The following MAL2 variants were observed in gnomAD, a reference collection of about 807,000 sequenced individuals.
MAL2 encodes the protein protein MAL2.
In MAL2, 17 loss-of-function variants were observed where a neutral mutation model predicts 18.1. The ratio of observed to expected loss-of-function variants is 0.94; its 90% CI spans 0.64 to 1.41. MAL2 has a LOEUF of 1.41. MAL2 is among the 40% of genes most tolerant of loss of function. The pLI is 0.00. For synonymous variants in MAL2, 102 were observed against 102.3 expected (o/e 1.00, Z 0.02); for missense variants, 222 against 231.9 (o/e 0.96, Z 0.28).
intron 2 of MAL2, among the ~76,000 whole-genome samples, chr8:119,225,701 T>C (rs571281154): frequency 1.8e-3 from 277 of 152,378 alleles, no homozygotes; most frequent in African/African-American, 6.5e-3. Context: ...CCACACTGAC[T>C]TCCACAATGG....
At chr8:119,231,100 T>C (rs780668865) in intron 2 of MAL2, among the ~76,000 whole-genome samples, 2 of 152,122 alleles carry the variant, frequency 1.3e-5, no homozygotes, top group African/African-American at 2.4e-5. Context: ...GATGCAGTCT[T>C]GGCTCACTGC....
chr8:119,237,741 C>T (rs528729224), intron 2 of MAL2, among the ~76,000 whole-genome samples: 1,532 of 151,784 alleles, frequency 0.01, 14 homozygotes, highest in Middle Eastern at 0.014. Context: ...TTCAACAACC[C>T]TTCATGCTAA....
chr8:119,224,208 A>G (rs1408976877), intron 2 of MAL2: 1 of 152,200 alleles, frequency 6.6e-6, no homozygotes, highest in Non-Finnish European at 1.5e-5. Context: ...GTGAAATAAA[A>G]ATATACTATC....
At chr8:119,211,059 C>A (rs1034527685) in intron 1 of MAL2, among the ~76,000 whole-genome samples, 1 of 152,122 alleles carries the variant, frequency 6.6e-6, no homozygotes, top group African/African-American at 2.4e-5. Flanking sequence ...TGGCTTGTTA[C>A]CCCTCCATTT....
At chr8:119,222,737 A>T (rs1817492110) in intron 2 of MAL2, among the ~76,000 whole-genome samples, 1 of 151,392 alleles carries the variant, frequency 6.6e-6, no homozygotes, top group South Asian at 2.1e-4. Flanking sequence ...TTGAGGCAGG[A>T]GGATCACTTG....
chr8:119,241,601 G>A (rs1055330425), intron 3 of MAL2, among the ~76,000 whole-genome samples: 2 of 152,096 alleles, frequency 1.3e-5, no homozygotes, highest in Non-Finnish European at 2.9e-5. Context: ...CATGTCTAGA[G>A]TGAGTTTTGA....
chr8:119,244,711 A>T lies in MAL2; in HGVS notation c.*1223A>T, dbSNP rs979310198. The T allele has an allele frequency of 4.6e-5, 7 of 152,226 alleles. No individual in the cohort carries two copies. Among genetic ancestry groups the T allele is most frequent in the African/African-American group, 1.7e-4 (7 of 41,456 alleles). The allele number at this position is 152,226 out of a possible 1,614,324, so 9.4% of individuals were successfully genotyped here. On this transcript the variant is annotated 3_prime_UTR_variant, in exon 4 of 4. Coordinates refer to ENST00000614891, the MANE Select transcript of MAL2 (RefSeq NM_052886.3). ...TTTTTGTATTAGCCCAGACATCTGTAATGTTTTTGCACTGGTGACAGACAA... is the reference window on the plus strand; with the variant it reads ...TTTTTGTATTAGCCCAGACATCTGTTATGTTTTTGCACTGGTGACAGACAA...
chr8:119,236,795 G>A (rs943184546), intron 2 of MAL2, among the ~76,000 whole-genome samples: 3 of 151,320 alleles, frequency 2.0e-5, no homozygotes, highest in Non-Finnish European at 4.4e-5. Context: ...TCAAAGCAGT[G>A]TGTAGAGGGA....
intron 2 of MAL2, among the ~76,000 whole-genome samples, chr8:119,232,098 A>T (rs1468643676): frequency 6.8e-6 from 1 of 148,146 alleles, no homozygotes; most frequent in Non-Finnish European, 1.5e-5. Flanking sequence ...GGGAGGTTTT[A>T]TATATTTTTT....
chr8:119,228,302 C>A (rs1182529610), intron 2 of MAL2, among the ~76,000 whole-genome samples: 1 of 151,996 alleles, frequency 6.6e-6, no homozygotes, highest in Non-Finnish European at 1.5e-5. Flanking sequence ...TGTCCTTGTC[C>A]CTTTGGGGAC....
At chr8:119,238,754 A>G (rs914640328) in intron 2 of MAL2, among the ~76,000 whole-genome samples, 1 of 150,506 alleles carries the variant, frequency 6.6e-6, no homozygotes, top group Admixed American at 6.6e-5. Context: ...TCCCTTCCTT[A>G]CACCTTATAC....
At chr8:119,238,713 G>T (rs1282633654) in intron 2 of MAL2, among the ~76,000 whole-genome samples, 1 of 150,252 alleles carries the variant, frequency 6.7e-6, no homozygotes, top group Non-Finnish European at 1.5e-5. Flanking sequence ...TGGGAAAACT[G>T]GCTAGCCATA....
chr8:119,215,403 T>C (rs1817333630), intron 1 of MAL2: 4 of 152,174 alleles, frequency 2.6e-5, no homozygotes, highest in Non-Finnish European at 5.9e-5. Context: ...TGGTTTCCAT[T>C]CATTTCAAGG....
chr8:119,208,623 G>T lies in MAL2; in HGVS notation c.132+19G>T. The T allele has an allele frequency of 7.7e-7, 1 of 1,298,504 alleles. No homozygotes were observed. Among genetic ancestry groups the T allele is most frequent in the Non-Finnish European group, 9.8e-7 (1 of 1,021,500 alleles). 80.4% of individuals were successfully genotyped at this position (1,298,504 alleles called of 1,614,324 possible). A position where few individuals can be genotyped will look rare whatever the true frequency, so the allele number is the denominator to read the frequency against. ...GGAGATTGTAAGTGGGGCCGCCGGA[G>T]CGAGGGTCGCGCGGGGAGCGAGGAC... On this transcript the variant is annotated intron_variant, in intron 1 of 3. Coordinates refer to ENST00000614891, the MANE Select transcript of MAL2 (RefSeq NM_052886.3). The surrounding 1 kb of genome is among the most constrained non-coding windows in gnomAD (Gnocchi z 4.3).
intron 2 of MAL2, among the ~76,000 whole-genome samples, chr8:119,227,019 C>A (rs991112759): frequency 2.6e-5 from 4 of 152,180 alleles, no homozygotes; most frequent in African/African-American, 4.8e-5. Context: ...AATATAGGTA[C>A]AGTCCACCAG....
chr8:119,208,789 C>A lies in MAL2; in HGVS notation c.132+185C>A. Reference sequence around the variant, plus strand: ...CCGCCGCCCGGGCCCTCCCTCCTAGCACCTGTTACGCGGGCACCTGCTCCC... The same window carrying A: ...CCGCCGCCCGGGCCCTCCCTCCTAGAACCTGTTACGCGGGCACCTGCTCCC... On this transcript the variant is annotated intron_variant, in intron 1 of 3. Transcript: ENST00000614891. This position sits in a 1 kb window ranked among gnomAD's most constrained non-coding sequence, Gnocchi z 4.3. 1 of 958,794 alleles carries A rather than the reference C, an allele frequency of 1.0e-6. No homozygotes were observed. The highest frequency in any genetic ancestry group is 1.3e-6 in the Non-Finnish European group (1 of 744,394). 59.4% of individuals were successfully genotyped at this position (958,794 alleles called of 1,614,324 possible).
intron 2 of MAL2, among the ~76,000 whole-genome samples, chr8:119,231,059 T>C (rs1275241241): frequency 1.3e-5 from 2 of 151,956 alleles, no homozygotes; most frequent in African/African-American, 4.8e-5. Context: ...TGAGGCAGAG[T>C]CTTGCTCTGT....
chr8:119,233,785 C>T (rs1339176758), intron 2 of MAL2, among the ~76,000 whole-genome samples: 4 of 151,700 alleles, frequency 2.6e-5, no homozygotes, highest in Non-Finnish European at 5.9e-5. Context: ...GAAACTATTC[C>T]TATCAATAGA....
intron 2 of MAL2, among the ~76,000 whole-genome samples, chr8:119,236,845 G>T (rs993191850): frequency 2.6e-5 from 4 of 151,150 alleles, no homozygotes; most frequent in African/African-American, 9.8e-5. Context: ...AAGCAGGAAA[G>T]ATCCAAAATT....
Sources: gnomAD v4.1 joint callset for allele counts (sites outside exome capture counted in the v4.1 genomes callset) on GRCh38, gnomAD v4.1.1 for gene constraint, Gnocchi (gnomAD v3.1) non-coding constraint, MANE v1.5 for transcripts, NCBI Gene and HGNC (gene_info 2026-07-23, HGNC 2026-07-21) for gene names.